The following LCN12 variants were observed in gnomAD, a reference collection of about 807,000 sequenced individuals.
LCN12 encodes epididymal-specific lipocalin-12.
In LCN12, 15 loss-of-function variants were observed where a neutral mutation model predicts 23.7. That is an observed-to-expected ratio of 0.63 (90% CI 0.42 to 0.97). The LOEUF is 0.97. Among genes scored for constraint, LCN12 ranks in the 50% least tolerant of loss-of-function variants. The pLI is 0.00. For synonymous variants in LCN12, 116 were observed against 111.5 expected (o/e 1.04, Z -0.25); for missense variants, 219 against 249.6 (o/e 0.88, Z 0.83).
At chr9:136,954,082 C>A in intron 4 of LCN12, 72 bp from the exon 5 acceptor site, 1 of 1,518,240 alleles carries the variant, frequency 6.6e-7, no homozygotes, top group East Asian at 2.4e-5. Context: ...ACAGATAGTT[C>A]AATCTCCCAC....
chr9:136,950,282 G>C (rs1427155464), upstream of LCN12, among the ~76,000 whole-genome samples: 3 of 152,338 alleles, frequency 2.0e-5, no homozygotes, highest in South Asian at 2.1e-4. Flanking sequence ...AGAGGTTAAC[G>C]GCAGCAGCCA....
chr9:136,953,641 C>A, intron 2 of LCN12, 59 bp from the exon 3 acceptor site: 2 of 1,348,550 alleles, frequency 1.5e-6, no homozygotes, highest in South Asian at 1.4e-5. Context: ...GAGGGGCCCA[C>A]CTCAGCATGG....
Position 136,953,874 on chromosome 9 carries a change from C to A in LCN12, c.358C>A (p.Arg120=). Residue 120 remains arginine (R), a synonymous_variant, in exon 4 of 6, where the codon CGG becomes AGG. Transcript: ENST00000371633. ...GCCCGGGGCGGACAGAGAGGAGACC[C>A]GGGTGGTGGACAGCGACTACACCCA... is the stretch of plus-strand genomic sequence containing the variant. ...VEPGADREET[R]VVDSDYTQFA... The A allele has an allele frequency of 6.2e-7, 1 of 1,605,194 alleles. No individual in the cohort carries two copies. The highest frequency in any genetic ancestry group is 2.2e-5 in the East Asian group (1 of 44,578).
upstream of LCN12, chr9:136,952,250 A>T: frequency 1.0e-6 from 1 of 988,868 alleles, no homozygotes; most frequent in Non-Finnish European, 1.6e-6. Context: ...GGGTATGTGC[A>T]TGAAGAGGTG....
chr9:136,953,087 GCCGC>G, intron 2 of LCN12, 59 bp downstream of exon 2: 1 of 1,600,216 alleles, frequency 6.2e-7, no homozygotes, highest in Non-Finnish European at 8.5e-7. Context: ...CTGGGTCCCA[GCCGC>G]CAGTGGCTCA....
At chr9:136,950,510 G>A (rs1159775115), upstream of LCN12, among the ~76,000 whole-genome samples, 1 of 152,224 alleles carries the variant, frequency 6.6e-6, no homozygotes, top group Non-Finnish European at 1.5e-5. Flanking sequence ...GGGGTCCGTA[G>A]CGGGGACTGT....
chr9:136,956,181 C>T (rs1249949341), downstream of LCN12, among the ~76,000 whole-genome samples: 1 of 152,196 alleles, frequency 6.6e-6, no homozygotes, highest in Non-Finnish European at 1.5e-5. Context: ...TCTCAGCCCC[C>T]ACTGTCCTCC....
upstream of LCN12, among the ~76,000 whole-genome samples, chr9:136,950,123 T>G (rs1199214366): frequency 6.6e-6 from 1 of 152,214 alleles, no homozygotes; most frequent in African/African-American, 2.4e-5. Context: ...TGCAGGGCCC[T>G]GATTGGGCGG....
At chr9:136,954,658 C>T (rs994618235) in intron 5 of LCN12, 1 of 1,201,952 alleles carries the variant, frequency 8.3e-7, no homozygotes. Context: ...CCCTCTGGGT[C>T]CCCTGTCCTG....
At chr9:136,951,378 C>G (rs533749655), upstream of LCN12, 1 of 152,486 alleles carries the variant, frequency 6.6e-6, no homozygotes, top group Non-Finnish European at 1.5e-5. Context: ...CTCAGCCTCT[C>G]AAGTAGCTGG....
At chr9:136,952,666 G>A in intron 1 of LCN12, 1 of 636,012 alleles carries the variant, frequency 1.6e-6, no homozygotes. Flanking sequence ...CTGTGCGTGA[G>A]GGGAAACAGG....
At chr9:136,954,766 C>T in intron 5 of LCN12, 1 of 1,291,412 alleles carries the variant, frequency 7.7e-7, no homozygotes, top group Non-Finnish European at 1.0e-6. Flanking sequence ...GTGGCAGCCC[C>T]AGCCTGACCA....
chr9:136,950,305 A>T (rs1851122915), upstream of LCN12, among the ~76,000 whole-genome samples: 1 of 152,138 alleles, frequency 6.6e-6, no homozygotes, highest in African/African-American at 2.4e-5. Flanking sequence ...GGCTACCTGG[A>T]GGCACACACA....
Position 136,954,264 on chromosome 9 carries a change from G to T in LCN12, c.550+9G>T. Reference sequence around the variant, plus strand: ...CTTCCCAGATGTGACTGGTAACATGGTTCACCTGCAGGCATGCTGGGCAGT... The same window carrying T: ...CTTCCCAGATGTGACTGGTAACATGTTTCACCTGCAGGCATGCTGGGCAGT... On this transcript the variant is annotated intron_variant, in intron 5 of 5. Transcript: ENST00000371633. The T allele has an allele frequency of 1.3e-6, 2 of 1,560,518 alleles. No individual in the cohort carries two copies. Among genetic ancestry groups the T allele is most frequent in the African/African-American group, 1.4e-5 (1 of 73,554 alleles).
At chr9:136,950,097 G>A (rs905995414), upstream of LCN12, among the ~76,000 whole-genome samples, 1 of 152,186 alleles carries the variant, frequency 6.6e-6, no homozygotes, top group Non-Finnish European at 1.5e-5. Context: ...CGCCGGCCCA[G>A]CCAGGCAAAG....
Position 136,952,354 on chromosome 9 carries a change from G to A in LCN12, c.27G>A (p.Leu9=), listed in dbSNP as rs1851175805. 2 of 1,611,522 alleles carry A rather than the reference G, an allele frequency of 1.2e-6. No individual in the cohort carries two copies. Among genetic ancestry groups the A allele is most frequent in the Non-Finnish European group, 1.7e-6 (2 of 1,179,192 alleles). The change falls in exon 1 of 6, where the codon CTG becomes CTA. Residue 9 remains leucine (L), a synonymous_variant. Transcript: ENST00000371633. ...TGAGGCTGCTGTGTGGCCTGTGGCT[G>A]TGGCTCTCCTTGCTGAAAGTCCTGC... MRLLCGLW[L]WLSLLKVLQA...
rs750782443 is a variant in LCN12 at position 136,952,985 on chromosome 9, C to T, written c.208C>T (p.Leu70=). Residue 70 remains leucine (L), a synonymous_variant, in exon 2 of 6, where the codon CTA becomes TTA. Coordinates refer to ENST00000371633, the MANE Select transcript of LCN12 (RefSeq NM_178536.4). Reference sequence around the variant, plus strand: ...GAACGCTTTCACCGCAACTTTTGAGCTAAGTGATGATGGCCGCTTTGAGGT... The same window carrying T: ...GAACGCTTTCACCGCAACTTTTGAGTTAAGTGATGATGGCCGCTTTGAGGT... ...LLNAFTATFE[L]SDDGRFEVWN... The T allele has an allele frequency of 6.2e-7, 1 of 1,614,108 alleles. No individual in the cohort carries two copies. The highest frequency in any genetic ancestry group is 1.7e-5 in the Admixed American group (1 of 60,032).
rs2131374702 is a variant in LCN12 at position 136,952,420 on chromosome 9, G to A, written c.93G>A (p.Met31Ile). The A allele has an allele frequency of 1.2e-6, 2 of 1,610,636 alleles. No homozygotes were observed. The highest frequency in any genetic ancestry group is 4.5e-5 in the East Asian group (2 of 44,834). ...CCCCCCTGCCACTCCCGCCCCCGATGCAGAGCTTCCAAGGAAACCAGGTAC... is the reference window on the plus strand; with the variant it reads ...CCCCCCTGCCACTCCCGCCCCCGATACAGAGCTTCCAAGGAAACCAGGTAC... ...TPTPLPLPPP[M>I]QSFQGNQFQG... Residue 31 changes from methionine (M) to isoleucine (I), a missense_variant, in exon 1 of 6, where the codon ATG (methionine) becomes ATA (isoleucine). Physicochemically the swap from Met to Ile is conservative, Grantham distance 10. Coordinates refer to ENST00000371633, the MANE Select transcript of LCN12 (RefSeq NM_178536.4).
chr9:136,951,962 A>G (rs1851163103), upstream of LCN12, among the ~76,000 whole-genome samples: 1 of 152,212 alleles, frequency 6.6e-6, no homozygotes, highest in South Asian at 2.1e-4. Flanking sequence ...ATTCTGTGAC[A>G]GGGAGGAAGG....
Sources: gnomAD v4.1 joint callset for allele counts (sites outside exome capture counted in the v4.1 genomes callset) on GRCh38, gnomAD v4.1.1 for gene constraint, MANE v1.5 for transcripts, NCBI Gene and HGNC (gene_info 2026-07-23, HGNC 2026-07-21) for gene names.